The following PDE1C variants were observed in gnomAD, a reference collection of about 807,000 sequenced individuals.
The protein encoded by PDE1C is phosphodiesterase 1C, also known as dual specificity calcium/calmodulin-dependent 3',5'-cyclic nucleotide phosphodiesterase 1C.
A neutral mutation model predicts 93.1 loss-of-function variants in PDE1C; 62 were observed. The ratio of observed to expected loss-of-function variants is 0.67; its 90% CI spans 0.54 to 0.82. The LOEUF (loss-of-function observed/expected upper bound fraction) is 0.82, where lower values mean the gene tolerates loss of function less well. PDE1C is among the 40% of genes least tolerant of loss of function. The probability of loss-of-function intolerance (pLI) is 0.00; values close to 1 mark genes in which losing one functional copy is unlikely to be tolerated. For synonymous variants in PDE1C, 325 were observed against 310.1 expected, an observed-to-expected ratio of 1.05 and a Z score of -0.50; for missense variants, 742 against 884.6, an observed-to-expected ratio of 0.84 and a Z score of 2.04.
intron 1 of PDE1C, among the ~76,000 whole-genome samples, chr7:32,218,419 TGGGCAAATCCTTACAGA>T (rs1430069932): frequency 1.3e-5 from 2 of 152,206 alleles, no homozygotes; most frequent in Non-Finnish European, 2.9e-5. Context: ...CCTAGAGTAA[TGGGCAAATCCTTACAGA>T]GGGCAAGGCT....
intron 2 of PDE1C, among the ~76,000 whole-genome samples, chr7:31,938,430 G>A (rs1805381143): frequency 6.7e-6 from 1 of 150,338 alleles, no homozygotes; most frequent in Non-Finnish European, 1.5e-5. Context: ...GAAGGGGTGG[G>A]GGGCTGGGAG....
At chr7:31,838,043 T>G (rs972387711) in intron 9 of PDE1C, 72 bp from the exon 10 acceptor site, 56 of 959,918 alleles carry the variant, frequency 5.8e-5, no homozygotes, top group Non-Finnish European at 7.8e-5. Flanking sequence ...GTTTTTTTTT[T>G]GCCACTGCTA....
the PDE1C span, chr7:31,643,646 A>G: frequency 6.2e-7 from 1 of 1,614,056 alleles, no homozygotes; most frequent in Non-Finnish European, 8.5e-7. Flanking sequence ...CAGTTAAATG[A>G]TGCTTCCATT....
chr7:31,998,227 G>A (rs773899646), intron 2 of PDE1C, among the ~76,000 whole-genome samples: 8 of 152,014 alleles, frequency 5.3e-5, no homozygotes, highest in African/African-American at 1.9e-4. Flanking sequence ...CACCATGTTA[G>A]CCAGGATGGT....
the PDE1C span, chr7:31,696,958 C>T: frequency 6.2e-7 from 1 of 1,613,412 alleles, no homozygotes; most frequent in Non-Finnish European, 8.5e-7. Context: ...TTCCCCTAAC[C>T]ATGCAGGTGT....
chr7:32,076,659 AAAAAAAG>A (rs1371378152), intron 3 of PDE1C, among the ~76,000 whole-genome samples: 2 of 129,338 alleles, frequency 1.5e-5, no homozygotes, highest in Non-Finnish European at 1.7e-5. Context: ...AAAAAAAAAG[AAAAAAAG>A]AAAAAAGAAA....
intron 3 of PDE1C, among the ~76,000 whole-genome samples, chr7:32,118,097 T>C (rs148289802): frequency 7.1e-4 from 108 of 152,300 alleles, no homozygotes; most frequent in African/African-American, 2.5e-3. Context: ...TGGGAAGTCA[T>C]GCGAGTGCTT....
chr7:32,068,029 C>T (rs1005586002), intron 1 of PDE1C, among the ~76,000 whole-genome samples: 6 of 152,128 alleles, frequency 3.9e-5, no homozygotes, highest in African/African-American at 1.2e-4. Flanking sequence ...ATAATCCAGG[C>T]GTGAGTTGAT....
chr7:32,212,434 C>T (rs1334682180), intron 1 of PDE1C, among the ~76,000 whole-genome samples: 1 of 152,160 alleles, frequency 6.6e-6, no homozygotes, highest in Non-Finnish European at 1.5e-5. Flanking sequence ...GAATTTGAAC[C>T]TCGCCACCAG....
At chr7:31,886,161 A>C (rs1437715024) in intron 2 of PDE1C, among the ~76,000 whole-genome samples, 2 of 152,188 alleles carry the variant, frequency 1.3e-5, no homozygotes, top group African/African-American at 4.8e-5. Flanking sequence ...CATTTGAATT[A>C]AAAAAACTTC....
chr7:31,988,820 C>T (rs1335172390), intron 2 of PDE1C, among the ~76,000 whole-genome samples: 1 of 151,872 alleles, frequency 6.6e-6, no homozygotes, highest in Non-Finnish European at 1.5e-5. Context: ...CATGGTGAAA[C>T]CCTGTCTCTA....
the PDE1C span, chr7:31,643,477 G>A: frequency 6.2e-7 from 1 of 1,613,950 alleles, no homozygotes; most frequent in Admixed American, 1.7e-5. Flanking sequence ...TCTAAATACT[G>A]GCAGCTCCAG....
At chr7:32,424,836 A>T (rs1785497697) in intron 1 of PDE1C, among the ~76,000 whole-genome samples, 1 of 152,100 alleles carries the variant, frequency 6.6e-6, no homozygotes, top group Admixed American at 6.6e-5. Context: ...TCAAAACTAA[A>T]ATAAAAATAA....
At chr7:32,027,608 A>T (rs13246853) in intron 2 of PDE1C, among the ~76,000 whole-genome samples, 1 of 4,784 alleles carries the variant, frequency 2.1e-4, no homozygotes, top group Non-Finnish European at 6.5e-4. Context: ...CAAAAATGGT[A>T]AAAAAAAAAA....
chr7:32,105,157 A>G (rs1186748459), intron 3 of PDE1C, among the ~76,000 whole-genome samples: 1 of 152,212 alleles, frequency 6.6e-6, no homozygotes, highest in Non-Finnish European at 1.5e-5. Context: ...TTTCTAGCTA[A>G]TGGTGATGGA....
At chr7:32,049,189 C>T (rs906686134) in intron 2 of PDE1C, among the ~76,000 whole-genome samples, 10 of 152,126 alleles carry the variant, frequency 6.6e-5, no homozygotes, top group Non-Finnish European at 1.5e-4. Context: ...CAATTACTAC[C>T]GTGAGTCCAA....
chr7:31,778,646 A>G (rs1288109490), intron 16 of PDE1C, among the ~76,000 whole-genome samples: 1 of 152,192 alleles, frequency 6.6e-6, no homozygotes, highest in Non-Finnish European at 1.5e-5. Flanking sequence ...GTTTTTATTT[A>G]GAGATGTGGT....
chr7:32,298,785 G>C, exon 1 of PDE1C: 2 of 1,545,146 alleles, frequency 1.3e-6, no homozygotes, highest in South Asian at 1.2e-5. Context: ...CGGCGTCTGC[G>C]GTCCCCCCCA....
the PDE1C span, among the ~76,000 whole-genome samples, chr7:31,628,053 A>G: frequency 6.6e-6 from 1 of 152,204 alleles, no homozygotes; most frequent in Admixed American, 6.5e-5. Flanking sequence ...CCCCAGGCCT[A>G]AAAAAGCAGA....
Sources: gnomAD v4.1 joint callset for allele counts (sites outside exome capture counted in the v4.1 genomes callset) on GRCh38, gnomAD v4.1.1 for gene constraint, MANE v1.5 for transcripts, NCBI Gene and HGNC (gene_info 2026-07-23, HGNC 2026-07-21) for gene names.